Variants in ABR observed in about 807,000 individuals in gnomAD.
ABR encodes the protein ABR activator of RhoGEF and GTPase.
In ABR, 35 loss-of-function variants were observed where a neutral mutation model predicts 107.2. That is an observed-to-expected ratio of 0.33 (90% CI 0.25 to 0.43). ABR has a LOEUF of 0.43. Ranked by LOEUF, ABR falls within the 20% of genes least tolerant of loss-of-function variation. ABR has a pLI of 1.00. For missense variants in ABR, 815 were observed against 1,115.2 expected, an observed-to-expected ratio of 0.73 and a Z score of 3.83; for synonymous variants, 498 against 462.0, an observed-to-expected ratio of 1.08 and a Z score of -1.00.
intron 16 of ABR, among the ~76,000 whole-genome samples, chr17:1,020,363 G>C (rs889309885): frequency 1.3e-5 from 2 of 152,206 alleles, no homozygotes; most frequent in Non-Finnish European, 2.9e-5. Context: ...GATTCCAGGC[G>C]TGAGCCCCTG....
At chr17:1,139,542 G>C (rs951178815) in intron 1 of ABR, among the ~76,000 whole-genome samples, 1 of 146,704 alleles carries the variant, frequency 6.8e-6, no homozygotes, top group Admixed American at 7.1e-5. Flanking sequence ...GTGAGCCACC[G>C]TGCCCGGCCT....
In ABR at chr17:1,101,882, C is replaced by T. The variant is rs538338724; in HGVS notation, c.247-1147G>A. Among the ~76,000 whole-genome samples the T allele has an allele frequency of 5.9e-4, 90 of 152,102 alleles. 1 individual carries two copies. Among genetic ancestry groups the T allele is most frequent in the African/African-American group, 1.0e-3 (43 of 41,496 alleles). ...CCGAGTAGCTGGGACTACAGGCTCCCGCCACCACGCCCAGCTAACTTTTTG... is the reference window on the plus strand; with the variant it reads ...CCGAGTAGCTGGGACTACAGGCTCCTGCCACCACGCCCAGCTAACTTTTTG... On this transcript the variant is annotated intron_variant, in intron 2 of 22. Transcript: ENST00000302538.
intron 10 of ABR, among the ~76,000 whole-genome samples, chr17:1,062,134 C>T (rs562172809): frequency 6.6e-6 from 1 of 152,220 alleles, no homozygotes; most frequent in East Asian, 1.9e-4. Flanking sequence ...CCAAACCGCT[C>T]CAGGCCCTTC....
chr17:1,229,670 C>T (rs1380758732), exon 1 of ABR, among the ~76,000 whole-genome samples: 1 of 152,058 alleles, frequency 6.6e-6, no homozygotes, highest in East Asian at 1.9e-4. Flanking sequence ...CCCGCGGCCC[C>T]CGAAGAGACC....
chr17:1,178,893 C>G (rs1272408798), intron 1 of ABR, among the ~76,000 whole-genome samples: 1 of 151,934 alleles, frequency 6.6e-6, no homozygotes, highest in Non-Finnish European at 1.5e-5. Flanking sequence ...CGCCCCAAGC[C>G]CCCCCACACC....
In ABR at chr17:1,050,284, G is replaced by A. The variant is rs567686136; in HGVS notation, c.1660-103C>T. On this transcript the variant is annotated intron_variant, in intron 15 of 22. Transcript: ENST00000302538. The surrounding 1 kb of genome is among the most constrained non-coding windows in gnomAD (Gnocchi z 4.6). ...TTTGCAAGGAGGAGGGAGTAAGCAC[G>A]GCCCACGAAGGACACGTCAGATTTT... The A allele has an allele frequency of 5.0e-5, 71 of 1,410,028 alleles. No individual in the cohort carries two copies. The highest frequency in any genetic ancestry group is 5.0e-4 in the South Asian group (37 of 74,534). 87.3% of individuals were successfully genotyped at this position (1,410,028 alleles called of 1,614,324 possible).
At chr17:1,020,516 G>A (rs537184275) in intron 16 of ABR, among the ~76,000 whole-genome samples, 2 of 152,362 alleles carry the variant, frequency 1.3e-5, no homozygotes, top group Non-Finnish European at 2.9e-5. Flanking sequence ...CGAAAACCCA[G>A]CAGGCAGGGG....
chr17:1,094,131 C>T (rs531199203), intron 3 of ABR, among the ~76,000 whole-genome samples: 1 of 152,218 alleles, frequency 6.6e-6, no homozygotes, highest in South Asian at 2.1e-4. Flanking sequence ...TTCTGACCCT[C>T]GCCGTCCTAG....
At chr17:1,227,477 AAC>A (rs971612418) in intron 1 of ABR, among the ~76,000 whole-genome samples, 3 of 152,228 alleles carry the variant, frequency 2.0e-5, no homozygotes, top group African/African-American at 7.2e-5. Flanking sequence ...GCCTGTGGGA[AAC>A]ACAGCCAATC....
intron 1 of ABR, among the ~76,000 whole-genome samples, chr17:1,125,946 G>C (rs1414254230): frequency 2.0e-5 from 3 of 152,170 alleles, no homozygotes; most frequent in Non-Finnish European, 4.4e-5. Flanking sequence ...CGTGGGCGAG[G>C]AGGCTGTGCC....
chr17:1,206,528 A>G (rs2042790758), intron 1 of ABR, among the ~76,000 whole-genome samples: 1 of 152,190 alleles, frequency 6.6e-6, no homozygotes, highest in Non-Finnish European at 1.5e-5. Flanking sequence ...AGTAGCCAGG[A>G]TGACAGGCAT....
chr17:1,036,180 A>G (rs904796207), intron 16 of ABR, among the ~76,000 whole-genome samples: 1 of 152,124 alleles, frequency 6.6e-6, no homozygotes, highest in African/African-American at 2.4e-5. Context: ...TCCTCGTCCT[A>G]TCCGCTAGCG....
At chr17:1,219,550 C>T (rs1388421374) in intron 1 of ABR, among the ~76,000 whole-genome samples, 3 of 142,946 alleles carry the variant, frequency 2.1e-5, no homozygotes, top group Admixed American at 7.2e-5. Flanking sequence ...TTGTATAGCA[C>T]GATGTGCCTA....
intron 16 of ABR, among the ~76,000 whole-genome samples, chr17:1,043,908 G>T (rs993012932): frequency 1.3e-5 from 2 of 152,238 alleles, no homozygotes; most frequent in Admixed American, 6.5e-5. Context: ...AGGGCCGGGG[G>T]GCGGGCAGGG....
At chr17:1,171,913 A>G (rs1384639594) in intron 1 of ABR, among the ~76,000 whole-genome samples, 1 of 152,066 alleles carries the variant, frequency 6.6e-6, no homozygotes, top group East Asian at 1.9e-4. Flanking sequence ...CTGGGCAACG[A>G]GAGTGAAAAT....
chr17:1,081,420 C>T (rs1287348621), intron 5 of ABR, among the ~76,000 whole-genome samples: 1 of 152,068 alleles, frequency 6.6e-6, no homozygotes, highest in Non-Finnish European at 1.5e-5. Flanking sequence ...CCACCCTGCA[C>T]TTCGTCCTCC....
chr17:1,123,793 G>A (rs542185705), intron 2 of ABR, among the ~76,000 whole-genome samples: 1 of 152,262 alleles, frequency 6.6e-6, no homozygotes, highest in Admixed American at 6.5e-5. Flanking sequence ...CCCCGTTCAG[G>A]TCCCTGAACA....
chr17:1,149,425 GTTT>G (rs34550378), intron 1 of ABR, among the ~76,000 whole-genome samples: 2 of 130,460 alleles, frequency 1.5e-5, no homozygotes. Context: ...TCTGGTTTTA[GTTT>G]TTTTTTTTTT....
At position 1,092,297 on chromosome 17, in the gene ABR, G is replaced by C. The variant is rs550679061; in HGVS notation, c.346-447C>G. Among the ~76,000 whole-genome samples, 9 of 152,280 alleles carry C rather than the reference G, an allele frequency of 5.9e-5. No individual in the cohort carries two copies. In the East Asian group the frequency reaches 1.5e-3, roughly 26 times the overall value. On this transcript the variant is annotated intron_variant, in intron 3 of 22. Coordinates refer to ENST00000302538, the MANE Select transcript of ABR (RefSeq NM_021962.5). This position sits in a 1 kb window ranked among gnomAD's most constrained non-coding sequence, Gnocchi z 4.6. ...GTGGTTCTAGGACTCAGAAGGTAGG[G>C]ACCCGAAGTTACTCAAGACCAGTCT...
Sources: gnomAD v4.1 joint callset for allele counts (sites outside exome capture counted in the v4.1 genomes callset) on GRCh38, gnomAD v4.1.1 for gene constraint, Gnocchi (gnomAD v3.1) non-coding constraint, MANE v1.5 for transcripts, NCBI Gene and HGNC (gene_info 2026-07-23, HGNC 2026-07-21) for gene names.